KIF1A: variants seen among roughly 807,000 people sequenced by gnomAD.
KIF1A encodes the protein kinesin family member 1A, also known as kinesin-like protein KIF1A.
A neutral mutation model predicts 227.3 loss-of-function variants in KIF1A; 46 were observed. That is an observed-to-expected ratio of 0.20 (90% CI 0.16 to 0.26). The LOEUF is 0.26. Among genes scored for constraint, KIF1A ranks in the 10% least tolerant of loss-of-function variants. The pLI, the probability that KIF1A is intolerant of heterozygous loss-of-function variation, is 1.00. For synonymous variants in KIF1A, 1,022 were observed against 1,012.8 expected, an observed-to-expected ratio of 1.01 and a Z score of -0.17; for missense variants, 1,683 against 2,485.9, an observed-to-expected ratio of 0.68 and a Z score of 6.87.
intron 1 of KIF1A, 196 bp from the exon 2 acceptor site, chr2:240,798,008 A>G: frequency 2.4e-6 from 1 of 409,288 alleles, no homozygotes; most frequent in Non-Finnish European, 4.4e-6. Context: ...GGACCAGTGG[A>G]ACCCAGCTTC....
intron 11 of KIF1A, 127 bp from the exon 12 acceptor site, chr2:240,774,388 C>T (rs1445206584): frequency 1.1e-5 from 4 of 380,302 alleles, no homozygotes; most frequent in South Asian, 3.2e-5. Flanking sequence ...GAGTCACAGG[C>T]TTACCCCCCC....
At position 240,775,670 on chromosome 2, in the gene KIF1A, C is replaced by T. The variant is rs1417094336; in HGVS notation, c.958+181G>A. On this transcript the variant is annotated intron_variant, in intron 11 of 48. Transcript: ENST00000498729. The surrounding 1 kb of genome is among the most constrained non-coding windows in gnomAD (Gnocchi z 5.5). Reference sequence around the variant, plus strand: ...CTCGCTTCGTTAACCCACTGCTGGCCGTTGCCCCAGGTCCTCCAGAAGGGC... The same window carrying T: ...CTCGCTTCGTTAACCCACTGCTGGCTGTTGCCCCAGGTCCTCCAGAAGGGC... 6.6e-6 allele frequency among the ~76,000 whole-genome samples: 1 copy of T among 152,176 alleles called. No individual in the cohort carries two copies. The highest frequency in any genetic ancestry group is 1.5e-5 in the Non-Finnish European group (1 of 68,038).
intron 27 of KIF1A, among the ~76,000 whole-genome samples, chr2:240,754,375 G>A (rs919286766): frequency 2.1e-5 from 3 of 142,794 alleles, no homozygotes; most frequent in African/African-American, 7.9e-5. Context: ...CCCACTGCCC[G>A]TCCCAGTCTG....
At position 240,746,081 on chromosome 2, in the gene KIF1A, C is replaced by G. The variant is rs371233697; in HGVS notation, c.3160G>C (p.Val1054Leu). The change falls in exon 30 of 49, where the codon GTG (valine) becomes CTG (leucine). Residue 1054 changes from valine (V) to leucine (L), a missense_variant. By Grantham distance (32) the Val-to-Leu change is conservative. Around this residue, in one of 12 missense-constraint regions of KIF1A, gnomAD observed 759 missense variants for 1,020.2 expected, o/e 0.74. Transcript: ENST00000498729. ...TTGACTTCATCGGCTGAGGGCCCCA[C>G]GTCTGCACCCTGGCCCTGGCCCTCC... ...IVEGQGQGAD[V>L]GPSADEVNNN... 2.5e-6 allele frequency: 4 copies of G among 1,598,610 alleles called. No individual in the cohort carries two copies. Among genetic ancestry groups the G allele is most frequent in the East Asian group, 4.5e-5 (2 of 44,190 alleles).
Position 240,758,466 on chromosome 2 carries a change from C to T in KIF1A, c.2476G>A (p.Asp826Asn), listed in dbSNP as rs748073694. The change falls in exon 26 of 49, where the codon GAC (aspartate) becomes AAC (asparagine). Residue 826 changes from aspartate to asparagine, a missense_variant. Around this residue, in one of 12 missense-constraint regions of KIF1A, gnomAD observed 759 missense variants for 1,020.2 expected, o/e 0.74. Transcript: ENST00000498729. The surrounding 1 kb of genome is among the most constrained non-coding windows in gnomAD (Gnocchi z 5.2). ...CTGGAGGGCACCTCTGCAGCGCGGT[C>T]GTACATCTCCCGCATCAGGTCCAGA... The part of the protein sequence containing the change: ...QRLDLMREMY[D>N]RAAEVPSSVI... 8.7e-6 allele frequency: 14 copies of T among 1,605,336 alleles called. No homozygotes were observed. Among genetic ancestry groups the T allele is most frequent in the South Asian group, 5.6e-5 (5 of 89,592 alleles).
chr2:240,799,008 C>T (rs942218882), intron 1 of KIF1A, among the ~76,000 whole-genome samples: 2 of 152,210 alleles, frequency 1.3e-5, no homozygotes, highest in South Asian at 2.1e-4. Flanking sequence ...TCTGCCTGGT[C>T]GTCCCCATCT....
chr2:240,760,565 A>C (rs1291791501), intron 25 of KIF1A, 100 bp downstream of exon 25: 4 of 840,484 alleles, frequency 4.8e-6, no homozygotes, highest in Non-Finnish European at 6.9e-6. Flanking sequence ...CGGTGTCTGC[A>C]GGTACTCGCT....
chr2:240,782,811 C>T (rs1009944044), intron 9 of KIF1A, among the ~76,000 whole-genome samples: 2 of 152,174 alleles, frequency 1.3e-5, no homozygotes, highest in African/African-American at 2.4e-5. Flanking sequence ...GCCTGCTGCA[C>T]GGGGCCAACT....
intron 1 of KIF1A, among the ~76,000 whole-genome samples, chr2:240,807,219 C>T (rs1302116815): frequency 6.6e-6 from 1 of 151,736 alleles, no homozygotes; most frequent in East Asian, 1.9e-4. Context: ...GATCTCAGCT[C>T]ACCGCAACCT....
At chr2:240,779,101 CTTCCTCACTCAG>C (rs893057273) in intron 10 of KIF1A, among the ~76,000 whole-genome samples, 4 of 142,112 alleles carry the variant, frequency 2.8e-5, no homozygotes, top group Non-Finnish European at 4.5e-5. Flanking sequence ...TCCTCACTCA[CTTCCTCACTCAG>C]TTCCTCATAG....
chr2:240,746,213 G>T (rs531193653), intron 29 of KIF1A, 36 bp from the exon 30 acceptor site: 9 of 1,547,336 alleles, frequency 5.8e-6, no homozygotes, highest in Non-Finnish European at 7.0e-6. Context: ...AGAGAGCCAG[G>T]AGCCAGCCGA....
chr2:240,813,019 T>C (rs113682552), intron 1 of KIF1A, among the ~76,000 whole-genome samples: 5,058 of 31,104 alleles, frequency 0.16, 268 homozygotes, highest in African/African-American at 0.32. Context: ...CTCGGGGATC[T>C]GCCTTCACCT....
At chr2:240,728,391 A>C (rs1295526627) in intron 38 of KIF1A, 10 of 1,301,460 alleles carry the variant, frequency 7.7e-6, no homozygotes, top group Non-Finnish European at 1.0e-5. Flanking sequence ...AGCTGTACCT[A>C]GTGTCATTTC....
chr2:240,739,429 C>T lies in KIF1A; in HGVS notation c.3901+629G>A, dbSNP rs76617132. Among the ~76,000 whole-genome samples the T allele has an allele frequency of 2.0e-5, 3 of 152,290 alleles. No individual in the cohort carries two copies. The highest frequency in any genetic ancestry group is 3.9e-4 in the East Asian group (2 of 5,188). On this transcript the variant is annotated intron_variant, in intron 37 of 48. Coordinates refer to ENST00000498729, the MANE Select transcript of KIF1A (RefSeq NM_001244008.2). This position sits in a 1 kb window ranked among gnomAD's most constrained non-coding sequence, Gnocchi z 5.6. ...AGGAATTGTGTCCCCGAAAAATATA[C>T]GTGGAAGTCCTAACCTCCAGGACCT...
chr2:240,719,315 G>C lies in KIF1A; in HGVS notation c.5022-117C>G, dbSNP rs2044976413. The C allele has an allele frequency of 2.5e-6, 3 of 1,217,652 alleles. No homozygotes were observed. In the East Asian group the frequency reaches 7.9e-5, roughly 32 times the overall value. The allele number at this position is 1,217,652 out of a possible 1,614,324, so 75.4% of individuals were successfully genotyped here. A position where few individuals can be genotyped will look rare whatever the true frequency, so the allele number is the denominator to read the frequency against. On this transcript the variant is annotated intron_variant, in intron 46 of 48. Transcript: ENST00000498729. ...GCAGTGCCAACCACCTCCCCAGCCAGAAAGTGGGTCGAGGCATCGAAGGGC... is the reference window on the plus strand; with the variant it reads ...GCAGTGCCAACCACCTCCCCAGCCACAAAGTGGGTCGAGGCATCGAAGGGC...
intron 37 of KIF1A, 99 bp from the exon 38 acceptor site, chr2:240,737,267 C>T: frequency 3.4e-6 from 3 of 875,858 alleles, no homozygotes; most frequent in Non-Finnish European, 5.8e-6. Flanking sequence ...GCCAGCTCCC[C>T]ACATGGTCAC....
intron 10 of KIF1A, among the ~76,000 whole-genome samples, chr2:240,780,672 A>G (rs1407490232): frequency 1.3e-5 from 2 of 151,564 alleles, no homozygotes; most frequent in Non-Finnish European, 2.9e-5. Flanking sequence ...GGTTCCCACC[A>G]CGGTTCCTGA....
chr2:240,812,104 AC>A (rs1321276000), intron 1 of KIF1A, among the ~76,000 whole-genome samples: 1 of 152,170 alleles, frequency 6.6e-6, no homozygotes, highest in Non-Finnish European at 1.5e-5. Flanking sequence ...CACTGGGCGC[AC>A]CGGGCCACGC....
In KIF1A at chr2:240,752,289, A is replaced by C. The variant is rs1478057622; in HGVS notation, c.2859-1742T>G. On this transcript the variant is annotated intron_variant, in intron 27 of 48. Coordinates refer to ENST00000498729, the MANE Select transcript of KIF1A (RefSeq NM_001244008.2). This position sits in a 1 kb window ranked among gnomAD's most constrained non-coding sequence, Gnocchi z 6.4. Reference sequence around the variant, plus strand: ...GGAGCTCCACTGCCCTGGGCCACCCACCCAGGTTATGTCCAGAAGCGCCCA... The same window carrying C: ...GGAGCTCCACTGCCCTGGGCCACCCCCCCAGGTTATGTCCAGAAGCGCCCA... Among the ~76,000 whole-genome samples, 1 of 151,754 alleles carries C rather than the reference A, an allele frequency of 6.6e-6. No homozygotes were observed.
Sources: gnomAD v4.1 joint callset for allele counts (sites outside exome capture counted in the v4.1 genomes callset) on GRCh38, gnomAD v4.1.1 for gene constraint, gnomAD v4.1.1 regional missense constraint, Gnocchi (gnomAD v3.1) non-coding constraint, MANE v1.5 for transcripts, NCBI Gene and HGNC (gene_info 2026-07-23, HGNC 2026-07-21) for gene names.